LRBA: variants seen among roughly 807,000 people sequenced by gnomAD.
LRBA encodes the protein lipopolysaccharide-responsive and beige-like anchor protein.
A neutral mutation model predicts 330.0 loss-of-function variants in LRBA; 176 were observed. That is an observed-to-expected ratio of 0.53 (90% CI 0.47 to 0.60). The LOEUF (loss-of-function observed/expected upper bound fraction) is 0.60, where lower values mean the gene tolerates loss of function less well. Among genes scored for constraint, LRBA ranks in the 20% least tolerant of loss-of-function variants. The pLI, the probability that LRBA is intolerant of heterozygous loss-of-function variation, is 0.00. For missense variants in LRBA, 3,259 were observed against 3,444.8 expected (o/e 0.95, Z 1.35); for synonymous variants, 1,230 against 1,193.0 (o/e 1.03, Z -0.64).
chr4:150,367,271 A>G (rs932080206), intron 47 of LRBA, among the ~76,000 whole-genome samples: 1 of 152,188 alleles, frequency 6.6e-6, no homozygotes, highest in African/African-American at 2.4e-5. Flanking sequence ...AATGGGGTAC[A>G]TCTGTTTTTG....
chr4:150,396,480 T>TCACACACA (rs10641158), intron 47 of LRBA, among the ~76,000 whole-genome samples: 2,776 of 145,848 alleles, frequency 0.019, 53 homozygotes, highest in African/African-American at 0.049. Context: ...AAATCTCATC[T>TCACACACA]CACACACACA....
At chr4:150,721,078 A>T in intron 36 of LRBA, 1 of 576,212 alleles carries the variant, frequency 1.7e-6, no homozygotes, top group Non-Finnish European at 3.4e-6. Flanking sequence ...AATTATGAGT[A>T]TTTGGATCAT....
intron 53 of LRBA, among the ~76,000 whole-genome samples, chr4:150,296,732 C>T (rs1418759619): frequency 6.6e-6 from 1 of 151,880 alleles, no homozygotes; most frequent in Non-Finnish European, 1.5e-5. Context: ...CATAAATTAT[C>T]AGTAATATCT....
In LRBA at chr4:150,894,853, A is replaced by C. The variant is rs116184406; in HGVS notation, c.2067+1541T>G. ...TATAGATCACTATGAAATTCACCTG[A>C]AAACTTCAAATATTATATTTGGTCA... On this transcript the variant is annotated intron_variant, in intron 16 of 56. Coordinates refer to ENST00000651943, the MANE Select transcript of LRBA (RefSeq NM_001364905.1). 6.2e-3 allele frequency among the ~76,000 whole-genome samples: 943 copies of C among 152,332 alleles called. 6 individuals carry two copies. The highest frequency in any genetic ancestry group is 0.01 in the Non-Finnish European group (701 of 68,028).
chr4:150,868,664 G>A (rs549188418), intron 20 of LRBA, among the ~76,000 whole-genome samples: 10 of 152,308 alleles, frequency 6.6e-5, no homozygotes, highest in East Asian at 3.9e-4. Flanking sequence ...CAGGCCGGGC[G>A]AGGTGGCTCA....
At chr4:150,976,175 G>GAAA (rs56914557) in intron 2 of LRBA, among the ~76,000 whole-genome samples, 2 of 88,732 alleles carry the variant, frequency 2.3e-5, no homozygotes, top group African/African-American at 8.1e-5. Flanking sequence ...ACTCCGTCTT[G>GAAA]AAAAAAAAAA....
intron 17 of LRBA, among the ~76,000 whole-genome samples, chr4:150,889,881 A>G (rs1307408952): frequency 2.0e-5 from 3 of 152,238 alleles, no homozygotes; most frequent in African/African-American, 7.2e-5. Context: ...CACAGACAAT[A>G]TTTAAAATAA....
chr4:150,583,310 T>G lies in LRBA; in HGVS notation c.6330+4738A>C. On this transcript the variant is annotated intron_variant, in intron 40 of 56. Coordinates refer to ENST00000651943, the MANE Select transcript of LRBA (RefSeq NM_001364905.1). The surrounding 1 kb of genome is among the most constrained non-coding windows in gnomAD (Gnocchi z 9.8). ...TTCAACTTCGTGGACGACGGCTCGC[T>G]GCCCGGCTGCGCAGTGCTCAAACTG... 1 of 1,614,196 alleles carries G rather than the reference T, an allele frequency of 6.2e-7. No individual in the cohort carries two copies. Among genetic ancestry groups the G allele is most frequent in the Non-Finnish European group, 8.5e-7 (1 of 1,180,030 alleles).
intron 37 of LRBA, among the ~76,000 whole-genome samples, chr4:150,663,043 A>G (rs1481447479): frequency 6.6e-6 from 1 of 152,202 alleles, no homozygotes; most frequent in African/African-American, 2.4e-5. Flanking sequence ...AAGCCCTCAC[A>G]AACTTTACAA....
At chr4:150,678,005 C>T (rs528574666) in intron 37 of LRBA, among the ~76,000 whole-genome samples, 5 of 151,800 alleles carry the variant, frequency 3.3e-5, no homozygotes, top group East Asian at 1.9e-4. Context: ...TTTGGGAGGC[C>T]GAGGTGGGCA....
intron 40 of LRBA, among the ~76,000 whole-genome samples, chr4:150,586,480 A>T (rs974438814): frequency 6.6e-6 from 1 of 152,166 alleles, no homozygotes; most frequent in Non-Finnish European, 1.5e-5. Flanking sequence ...CATCTATACA[A>T]AATTAAAACT....
chr4:150,286,386 A>C (rs1275949202), intron 53 of LRBA, among the ~76,000 whole-genome samples: 1 of 152,160 alleles, frequency 6.6e-6, no homozygotes, highest in Non-Finnish European at 1.5e-5. Context: ...CTCAATTTAC[A>C]TTTCAAAGAA....
In LRBA at chr4:150,599,075, C is replaced by T. The variant is rs1467948264; in HGVS notation, c.5978G>A (p.Arg1993Gln). Reference sequence around the variant, plus strand: ...TCCTAGAGGGTTACGCACAAATCGTCGCCGGCGCCGCAAGTCATCTTCCCA... The same window carrying T: ...TCCTAGAGGGTTACGCACAAATCGTTGCCGGCGCCGCAAGTCATCTTCCCA... Reference protein sequence around the residue: ...DYWEDDLRRRRRFVRNPLGST... With the variant: ...DYWEDDLRRRQRFVRNPLGST... Residue 1993 changes from arginine (R) to glutamine (Q), a missense_variant, in exon 38 of 57, where the codon CGA becomes CAA. By Grantham distance (43) the Arg-to-Gln change is conservative. Transcript: ENST00000651943. The T allele has an allele frequency of 3.1e-6, 5 of 1,613,954 alleles. No individual in the cohort carries two copies. Among genetic ancestry groups the T allele is most frequent in the South Asian group, 2.2e-5 (2 of 91,084 alleles).
rs1750194874 is a variant in LRBA at position 150,848,666 on chromosome 4, AACTACT to A, written c.4339+146_4339+151del. 3 of 501,830 alleles carry A rather than the reference AACTACT, an allele frequency of 6.0e-6. No individual in the cohort carries two copies. The Admixed American group carries it at 1.2e-4, about 20-fold the overall frequency. The allele number at this position is 501,830 out of a possible 1,614,324, so 31.1% of individuals were successfully genotyped here. ...CTCCTTCTTGCCCATCCAACTTACC[AACTACT>A]ACTATGTACATTAAAAAAAGTAACC... On this transcript the variant is annotated intron_variant, in intron 26 of 56. Coordinates refer to ENST00000651943, the MANE Select transcript of LRBA (RefSeq NM_001364905.1).
chr4:150,674,480 T>C (rs1782354689), intron 37 of LRBA, among the ~76,000 whole-genome samples: 1 of 152,108 alleles, frequency 6.6e-6, no homozygotes, highest in African/African-American at 2.4e-5. Flanking sequence ...AATAATAATA[T>C]ACACTTCACA....
At chr4:150,697,728 T>C (rs566328105) in intron 36 of LRBA, among the ~76,000 whole-genome samples, 2 of 152,200 alleles carry the variant, frequency 1.3e-5, no homozygotes, top group Non-Finnish European at 2.9e-5. Flanking sequence ...TTCAAATGTA[T>C]TGCCAACACA....
Position 150,487,805 on chromosome 4 carries a change from C to G in LRBA, c.6478G>C (p.Ala2160Pro). Residue 2160 changes from alanine to proline, a missense_variant, in exon 42 of 57, where the codon GCA becomes CCA. Coordinates refer to ENST00000651943, the MANE Select transcript of LRBA (RefSeq NM_001364905.1). ...TAGTTAACCACTTTCTTTACTGTTG[C>G]AGGGTCTGGGAAGTTGAACATCACA... Reference protein sequence around the residue: ...VAVMFNFPDPATVKKVVNYLP... With the variant: ...VAVMFNFPDPPTVKKVVNYLP... The G allele has an allele frequency of 6.3e-7, 1 of 1,594,280 alleles. No homozygotes were observed. Among genetic ancestry groups the G allele is most frequent in the African/African-American group, 1.3e-5 (1 of 74,690 alleles).
intron 35 of LRBA, among the ~76,000 whole-genome samples, chr4:150,757,200 T>C (rs1192067072): frequency 2.0e-5 from 3 of 152,090 alleles, no homozygotes; most frequent in African/African-American, 7.2e-5. Flanking sequence ...AACTCAAAAT[T>C]ACCAAAACAA....
At chr4:150,393,756 G>A (rs574584760) in intron 47 of LRBA, among the ~76,000 whole-genome samples, 106 of 152,274 alleles carry the variant, frequency 7.0e-4, no homozygotes, top group African/African-American at 2.5e-3. Flanking sequence ...AAAGTGTTGG[G>A]ATTATGGGCA....
Sources: allele counts gnomAD v4.1 joint callset (sites outside exome capture counted in the v4.1 genomes callset), GRCh38; gene constraint gnomAD v4.1.1; non-coding constraint Gnocchi (gnomAD v3.1); transcripts MANE v1.5; gene names NCBI Gene and HGNC (gene_info 2026-07-23, HGNC 2026-07-21).